The following THSD7B variants were observed in gnomAD, a reference collection of about 807,000 sequenced individuals.
THSD7B encodes thrombospondin type-1 domain-containing protein 7B.
A neutral mutation model predicts 213.6 loss-of-function variants in THSD7B; 138 were observed. The observed-to-expected ratio is 0.65, with a 90% CI of 0.56 to 0.74. The LOEUF (loss-of-function observed/expected upper bound fraction) is 0.74. THSD7B is among the 30% of genes least tolerant of loss of function. The pLI is 0.00. For missense variants in THSD7B, 1,931 were observed against 1,991.5 expected (o/e 0.97, Z 0.58); for synonymous variants, 742 against 687.0 (o/e 1.08, Z -1.25).
At chr2:137,624,677 C>T (rs1217188020) in intron 20 of THSD7B, among the ~76,000 whole-genome samples, 1 of 152,200 alleles carries the variant, frequency 6.6e-6, no homozygotes, top group East Asian at 1.9e-4. Flanking sequence ...TATGAACAGA[C>T]ACTTCTCAAA....
At chr2:136,932,655 G>A (rs1436637555) in intron 2 of THSD7B, among the ~76,000 whole-genome samples, 1 of 152,146 alleles carries the variant, frequency 6.6e-6, no homozygotes, top group Non-Finnish European at 1.5e-5. Flanking sequence ...AAGTGGAAGT[G>A]GATCATCTTA....
At chr2:137,532,341 T>C (rs1469690644) in intron 15 of THSD7B, among the ~76,000 whole-genome samples, 2 of 151,854 alleles carry the variant, frequency 1.3e-5, no homozygotes, top group African/African-American at 4.8e-5. Context: ...TGATCTTTGG[T>C]ACTACTAATC....
chr2:137,626,463 C>CAAAAAAA (rs34778966), intron 20 of THSD7B, among the ~76,000 whole-genome samples: 1 of 93,626 alleles, frequency 1.1e-5, no homozygotes, highest in Non-Finnish European at 2.3e-5. Flanking sequence ...GACTCTGTCT[C>CAAAAAAA]AAAAAAAAAA....
Position 137,419,378 on chromosome 2 carries a change from G to T in THSD7B, c.2959+7506G>T, listed in dbSNP as rs865951944. On this transcript the variant is annotated intron_variant, in intron 14 of 27. Coordinates refer to ENST00000409968, the MANE Select transcript of THSD7B (RefSeq NM_001316349.2). ...CACTTTTGGTGGGTCCTGAGTTCTT[G>T]TCCCACATCAAAGAAGAATGAGGAT... 1.3e-3 allele frequency among the ~76,000 whole-genome samples: 43 copies of T among 34,180 alleles called. 14 individuals carry two copies. Among genetic ancestry groups the T allele is most frequent in the Non-Finnish European group, 5.4e-3 (39 of 7,218 alleles). 22.4% of individuals were successfully genotyped at this position (34,180 alleles called of 152,430 possible). A position where few individuals can be genotyped will look rare whatever the true frequency, so the allele number is the denominator to read the frequency against.
chr2:136,926,191 G>T (rs2105040531), intron 2 of THSD7B, among the ~76,000 whole-genome samples: 1 of 152,138 alleles, frequency 6.6e-6, no homozygotes, highest in East Asian at 1.9e-4. Context: ...GGGGCAGATG[G>T]ATTCCTCCTA....
At chr2:136,930,099 C>G (rs979260141) in intron 2 of THSD7B, among the ~76,000 whole-genome samples, 3 of 152,142 alleles carry the variant, frequency 2.0e-5, no homozygotes, top group Non-Finnish European at 4.4e-5. Context: ...AAAAGCACAT[C>G]TCTGCTCTGC....
chr2:137,258,516 C>T, intron 10 of THSD7B, among the ~76,000 whole-genome samples: 1 of 151,986 alleles, frequency 6.6e-6, no homozygotes, highest in East Asian at 1.9e-4. Context: ...GACCCCCTAC[C>T]TCCTTCAAGT....
chr2:137,283,520 A>G (rs1683088160), intron 12 of THSD7B, among the ~76,000 whole-genome samples: 2 of 152,116 alleles, frequency 1.3e-5, no homozygotes, highest in South Asian at 2.1e-4. Flanking sequence ...ATTCAGTATG[A>G]TATTGGCTGT....
intron 14 of THSD7B, among the ~76,000 whole-genome samples, chr2:137,434,478 T>C (rs1429791788): frequency 2.0e-5 from 3 of 152,210 alleles, no homozygotes; most frequent in Non-Finnish European, 4.4e-5. Context: ...CTGTGCCCTC[T>C]GGTTAGGCCC....
chr2:137,352,371 G>A (rs191637651), intron 12 of THSD7B, among the ~76,000 whole-genome samples: 1 of 152,084 alleles, frequency 6.6e-6, no homozygotes, highest in East Asian at 1.9e-4. Flanking sequence ...CACATGCCAA[G>A]TTGTGTCTCC....
At chr2:136,804,675 A>G (rs1682252682) in intron 1 of THSD7B, among the ~76,000 whole-genome samples, 1 of 152,166 alleles carries the variant, frequency 6.6e-6, no homozygotes, top group East Asian at 1.9e-4. Context: ...AGAGGAGAGT[A>G]TGGATCCTCC....
chr2:137,325,945 T>C (rs915325680), intron 12 of THSD7B, among the ~76,000 whole-genome samples: 23 of 152,342 alleles, frequency 1.5e-4, no homozygotes, highest in African/African-American at 5.5e-4. Context: ...AAGAGACATA[T>C]CTTCCCAGTG....
chr2:137,060,114 A>T (rs183153275), intron 3 of THSD7B, among the ~76,000 whole-genome samples: 165 of 152,208 alleles, frequency 1.1e-3, no homozygotes, highest in African/African-American at 3.9e-3. Flanking sequence ...CCTTAATGAC[A>T]TGTGATGCTG....
At chr2:137,406,762 G>A (rs2105006488) in intron 13 of THSD7B, among the ~76,000 whole-genome samples, 1 of 152,306 alleles carries the variant, frequency 6.6e-6, no homozygotes, top group South Asian at 2.1e-4. Flanking sequence ...AAGTGTAGGT[G>A]AAATGCATAA....
At chr2:136,803,280 T>C (rs953321528) in intron 1 of THSD7B, among the ~76,000 whole-genome samples, 2 of 152,152 alleles carry the variant, frequency 1.3e-5, no homozygotes, top group African/African-American at 4.8e-5. Context: ...GTGAATGTAC[T>C]ACCAGAACCC....
At chr2:137,197,799 T>A (rs1680795807) in intron 7 of THSD7B, among the ~76,000 whole-genome samples, 1 of 152,188 alleles carries the variant, frequency 6.6e-6, no homozygotes, top group Non-Finnish European at 1.5e-5. Context: ...AGTCCATGTT[T>A]GTGAAAGCTG....
intron 2 of THSD7B, among the ~76,000 whole-genome samples, chr2:137,008,482 T>C (rs567029051): frequency 6.6e-6 from 1 of 152,342 alleles, no homozygotes; most frequent in East Asian, 1.9e-4. Context: ...ATTGAATTTA[T>C]GACCTATTGG....
At chr2:137,425,985 TG>T (rs1186344492) in intron 14 of THSD7B, among the ~76,000 whole-genome samples, 1 of 152,144 alleles carries the variant, frequency 6.6e-6, no homozygotes, top group African/African-American at 2.4e-5. Flanking sequence ...TCAGTAAATT[TG>T]CAGGAAACAA....
chr2:137,052,246 T>A (rs1441916867), intron 2 of THSD7B, among the ~76,000 whole-genome samples: 1 of 152,188 alleles, frequency 6.6e-6, no homozygotes, highest in Non-Finnish European at 1.5e-5. Flanking sequence ...GGGTAGCAAG[T>A]TGCAGATATA....
Sources: allele counts gnomAD v4.1 joint callset (sites outside exome capture counted in the v4.1 genomes callset), GRCh38; gene constraint gnomAD v4.1.1; transcripts MANE v1.5; gene names NCBI Gene and HGNC (gene_info 2026-07-23, HGNC 2026-07-21).